The following ZNF804A variants were observed in gnomAD, a reference collection of about 807,000 sequenced individuals.
The protein encoded by ZNF804A is zinc finger protein 804A.
A neutral mutation model predicts 16.5 loss-of-function variants in ZNF804A; 2 were observed. That is an observed-to-expected ratio of 0.12 (90% confidence interval 0.05 to 0.38). The LOEUF (loss-of-function observed/expected upper bound fraction) is 0.38. ZNF804A is among the 10% of genes least tolerant of loss of function. ZNF804A has a pLI of 0.99. For missense variants in ZNF804A, 1,473 were observed against 1,390.7 expected (o/e 1.06, Z -0.94); for synonymous variants, 534 against 489.6 (o/e 1.09, Z -1.20).
intron 1 of ZNF804A, among the ~76,000 whole-genome samples, chr2:184,729,123 C>T (rs936344493): frequency 6.6e-6 from 1 of 151,744 alleles, no homozygotes; most frequent in Admixed American, 6.6e-5. Flanking sequence ...TATTGAACAT[C>T]ACAGTGAGAA....
intron 1 of ZNF804A, among the ~76,000 whole-genome samples, chr2:184,855,546 A>T (rs1313117490): frequency 6.6e-6 from 1 of 151,920 alleles, no homozygotes; most frequent in African/African-American, 2.4e-5. Context: ...GTATTCTTAG[A>T]TCAATGAAGA....
At chr2:184,618,876 A>T (rs1332461220) in intron 1 of ZNF804A, among the ~76,000 whole-genome samples, 1 of 152,046 alleles carries the variant, frequency 6.6e-6, no homozygotes, top group African/African-American at 2.4e-5. Flanking sequence ...GTTTATAGAG[A>T]TTGGTTTTCA....
intron 1 of ZNF804A, among the ~76,000 whole-genome samples, chr2:184,660,365 C>G (rs922397712): frequency 6.6e-5 from 10 of 152,278 alleles, no homozygotes; most frequent in Admixed American, 1.3e-4. Context: ...AATCTCTCTG[C>G]CTGTTCATTT....
chr2:184,773,180 T>C (rs916002216), intron 1 of ZNF804A, among the ~76,000 whole-genome samples: 1 of 151,332 alleles, frequency 6.6e-6, no homozygotes, highest in East Asian at 2.0e-4. Context: ...AGCTTACTTT[T>C]AAAAAAAACA....
intron 1 of ZNF804A, among the ~76,000 whole-genome samples, chr2:184,609,621 C>A (rs545509266): frequency 2.6e-5 from 4 of 152,308 alleles, no homozygotes; most frequent in African/African-American, 9.6e-5. Context: ...GGACCTGCTT[C>A]CTGGTTTGCA....
chr2:184,713,605 T>G (rs751296627), intron 1 of ZNF804A, among the ~76,000 whole-genome samples: 6 of 151,978 alleles, frequency 3.9e-5, no homozygotes, highest in Admixed American at 6.6e-5. Flanking sequence ...TATACCAACA[T>G]GTACAGAACA....
chr2:184,681,289 C>CA lies in ZNF804A; in HGVS notation c.111+82227dup, dbSNP rs200889350. ...GACTTCAAGAGCCTACACTATGCCACAAAAAAAATCCCACTAAAAGCAGAT... is the reference window on the plus strand; with the variant it reads ...GACTTCAAGAGCCTACACTATGCCACAAAAAAAAATCCCACTAAAAGCAGAT... On this transcript the variant is annotated intron_variant, in intron 1 of 3. Transcript: ENST00000302277. Among the ~76,000 whole-genome samples the CA allele has an allele frequency of 3.5e-3, 536 of 151,774 alleles. 2 individuals are homozygous for CA. Among genetic ancestry groups the CA allele is most frequent in the African/African-American group, 0.011 (474 of 41,378 alleles).
At chr2:184,700,652 G>C (rs1259471553) in intron 1 of ZNF804A, among the ~76,000 whole-genome samples, 1 of 151,998 alleles carries the variant, frequency 6.6e-6, no homozygotes, top group Admixed American at 6.6e-5. Flanking sequence ...CAGCAATCTG[G>C]AAAAGAAAAC....
At chr2:184,837,277 G>A (rs1695366882) in intron 1 of ZNF804A, among the ~76,000 whole-genome samples, 2 of 152,028 alleles carry the variant, frequency 1.3e-5, no homozygotes, top group South Asian at 4.1e-4. Flanking sequence ...TTGGTAAACA[G>A]TAGGTTAGAC....
At position 184,763,630 on chromosome 2, in the gene ZNF804A, C is replaced by CTTTTT. The variant is rs1188087789; in HGVS notation, c.112-102711_112-102707dup. ...TGCTTTACTTTTTTTCTTCAAAGTG[C>CTTTTT]TTTTTTTTTTTTTTTTTTTTTTTTT... is the stretch of plus-strand genomic sequence containing the variant. On this transcript the variant is annotated intron_variant, in intron 1 of 3. Transcript: ENST00000302277. Among the ~76,000 whole-genome samples the CTTTTT allele has an allele frequency of 1.6e-3, 34 of 21,272 alleles. 7 individuals carry two copies. Among genetic ancestry groups the CTTTTT allele is most frequent in the African/African-American group, 5.3e-3 (27 of 5,094 alleles). 14.0% of individuals were successfully genotyped at this position (21,272 alleles called of 152,430 possible). A position where few individuals can be genotyped will look rare whatever the true frequency, so the allele number is the denominator to read the frequency against.
chr2:184,628,171 G>A (rs1314806805), intron 1 of ZNF804A, among the ~76,000 whole-genome samples: 4 of 151,982 alleles, frequency 2.6e-5, no homozygotes, highest in Non-Finnish European at 5.9e-5. Context: ...AAAATTAACC[G>A]GGCATGGTGG....
chr2:184,869,070 C>T (rs538910578), intron 2 of ZNF804A, among the ~76,000 whole-genome samples: 31 of 152,010 alleles, frequency 2.0e-4, no homozygotes, highest in South Asian at 6.2e-4. Flanking sequence ...TTGGACATTT[C>T]GGATTTTGGA....
At chr2:184,716,725 T>A (rs553349887) in intron 1 of ZNF804A, among the ~76,000 whole-genome samples, 7 of 152,306 alleles carry the variant, frequency 4.6e-5, no homozygotes, top group African/African-American at 1.7e-4. Context: ...AGCCAAATAC[T>A]AGACAAGACA....
intron 1 of ZNF804A, among the ~76,000 whole-genome samples, chr2:184,759,704 G>A (rs1486474210): frequency 6.6e-6 from 1 of 151,896 alleles, no homozygotes; most frequent in Non-Finnish European, 1.5e-5. Flanking sequence ...TGAAGTAACT[G>A]AAGAATCACA....
At chr2:184,908,228 G>T (rs1231178909) in intron 2 of ZNF804A, among the ~76,000 whole-genome samples, 1 of 152,052 alleles carries the variant, frequency 6.6e-6, no homozygotes, top group African/African-American at 2.4e-5. Flanking sequence ...GCTTTAAGGG[G>T]TGACCTTTAT....
chr2:184,769,264 G>A (rs532587795), intron 1 of ZNF804A, among the ~76,000 whole-genome samples: 1 of 152,126 alleles, frequency 6.6e-6, no homozygotes, highest in South Asian at 2.1e-4. Context: ...AATCAGGCTT[G>A]CAAAATGTAA....
intron 1 of ZNF804A, among the ~76,000 whole-genome samples, chr2:184,616,797 C>T (rs529506148): frequency 3.9e-5 from 6 of 152,230 alleles, no homozygotes; most frequent in Middle Eastern, 3.4e-3. Flanking sequence ...AATGTAGCAT[C>T]ATGGACCTCT....
chr2:184,850,854 A>G, intron 1 of ZNF804A, among the ~76,000 whole-genome samples: 1 of 151,806 alleles, frequency 6.6e-6, no homozygotes, highest in East Asian at 1.9e-4. Context: ...GGATATTTCT[A>G]GTAGAAATGC....
chr2:184,758,355 A>G (rs1359721499), intron 1 of ZNF804A, among the ~76,000 whole-genome samples: 1 of 146,750 alleles, frequency 6.8e-6, no homozygotes, highest in Non-Finnish European at 1.5e-5. Context: ...ATGATTACTA[A>G]TAACACTGAT....
Sources: gnomAD v4.1 joint callset for allele counts (sites outside exome capture counted in the v4.1 genomes callset) on GRCh38, gnomAD v4.1.1 for gene constraint, MANE v1.5 for transcripts, NCBI Gene and HGNC (gene_info 2026-07-23, HGNC 2026-07-21) for gene names.